Variants in ROBO2 observed in about 807,000 individuals in gnomAD.
ROBO2 encodes the protein roundabout guidance receptor 2, also known as roundabout homolog 2.
A neutral mutation model predicts 160.8 loss-of-function variants in ROBO2; 53 were observed. That is an observed-to-expected ratio of 0.33 (90% CI 0.26 to 0.41). The LOEUF (loss-of-function observed/expected upper bound fraction) is 0.41. ROBO2 is among the 10% of genes least tolerant of loss of function. The pLI is 1.00. For synonymous variants in ROBO2, 664 were observed against 611.7 expected (o/e 1.09, Z -1.26); for missense variants, 1,577 against 1,722.4 (o/e 0.92, Z 1.49).
At chr3:76,854,825 A>G (rs184893692) in intron 2 of ROBO2, among the ~76,000 whole-genome samples, 82 of 152,252 alleles carry the variant, frequency 5.4e-4, no homozygotes, top group African/African-American at 1.9e-3. Flanking sequence ...AGAGAAAAAA[A>G]TTTTCTTCAC....
At chr3:76,359,738 C>T (rs1406984847) in intron 2 of ROBO2, among the ~76,000 whole-genome samples, 2 of 151,794 alleles carry the variant, frequency 1.3e-5, no homozygotes, top group Non-Finnish European at 2.9e-5. Context: ...ATATAGTATT[C>T]ATATATTATA....
At chr3:77,578,486 T>C (rs2093826828) in intron 15 of ROBO2, among the ~76,000 whole-genome samples, 1 of 152,128 alleles carries the variant, frequency 6.6e-6, no homozygotes, top group African/African-American at 2.4e-5. Flanking sequence ...AGAGTTGGTA[T>C]TTAATATTAA....
At chr3:76,913,003 T>G (rs2076084961) in intron 2 of ROBO2, among the ~76,000 whole-genome samples, 1 of 152,036 alleles carries the variant, frequency 6.6e-6, no homozygotes, top group Non-Finnish European at 1.5e-5. Flanking sequence ...AGATAACTTC[T>G]GAGTAACTCA....
At chr3:77,573,736 A>C (rs1351222820) in intron 13 of ROBO2, among the ~76,000 whole-genome samples, 2 of 151,990 alleles carry the variant, frequency 1.3e-5, no homozygotes, top group Non-Finnish European at 2.9e-5. Context: ...CTATCTAAGC[A>C]CTTACGAATT....
intron 2 of ROBO2, among the ~76,000 whole-genome samples, chr3:76,440,698 G>A (rs1489382179): frequency 1.3e-5 from 2 of 152,104 alleles, no homozygotes; most frequent in Admixed American, 6.6e-5. Context: ...GCCTGCTCCT[G>A]GAATCACTAA....
chr3:76,081,687 C>G (rs971642198), intron 2 of ROBO2, among the ~76,000 whole-genome samples: 7 of 152,046 alleles, frequency 4.6e-5, no homozygotes, highest in African/African-American at 1.7e-4. Context: ...TTAAGATCCC[C>G]TTTTCATAGA....
intron 2 of ROBO2, among the ~76,000 whole-genome samples, chr3:76,849,225 G>A (rs2069083548): frequency 1.3e-5 from 2 of 152,160 alleles, no homozygotes. Context: ...GTATAGTCAA[G>A]GAAACAGCTT....
chr3:76,124,164 C>A (rs561079859), intron 2 of ROBO2, among the ~76,000 whole-genome samples: 2 of 152,116 alleles, frequency 1.3e-5, no homozygotes, highest in African/African-American at 4.8e-5. Flanking sequence ...CAAAAAATTA[C>A]CTAATGAAAA....
intron 1 of ROBO2, among the ~76,000 whole-genome samples, chr3:77,095,117 C>T (rs1036604296): frequency 3.3e-5 from 5 of 151,956 alleles, no homozygotes; most frequent in African/African-American, 1.2e-4. Context: ...AAAAACTTGC[C>T]TCTATAATTT....
intron 2 of ROBO2, among the ~76,000 whole-genome samples, chr3:76,500,195 T>G (rs552770184): frequency 6.6e-6 from 1 of 152,156 alleles, no homozygotes; most frequent in Non-Finnish European, 1.5e-5. Flanking sequence ...CACAGCTCAC[T>G]GCGTCCTTGA....
intron 12 of ROBO2, among the ~76,000 whole-genome samples, chr3:77,567,248 A>T (rs2093511136): frequency 6.6e-6 from 1 of 152,050 alleles, no homozygotes; most frequent in African/African-American, 2.4e-5. Flanking sequence ...AGATAATAAG[A>T]AAAAACAGGA....
At chr3:77,588,782 C>T in exon 17 of ROBO2, 1 of 1,613,382 alleles carries the variant, frequency 6.2e-7, no homozygotes, top group Non-Finnish European at 8.5e-7. Flanking sequence ...TTACTGAAAA[C>T]AATAACAGCA....
intron 2 of ROBO2, among the ~76,000 whole-genome samples, chr3:76,867,827 A>T (rs2148657977): frequency 6.6e-6 from 1 of 152,318 alleles, no homozygotes; most frequent in East Asian, 1.9e-4. Context: ...TCAATAAGAG[A>T]GAACATTGTT....
At chr3:76,803,431 A>AGGAGGAAGGATGGAGGGAAGGAAG (rs2064388550) in intron 2 of ROBO2, among the ~76,000 whole-genome samples, 1 of 57,030 alleles carries the variant, frequency 1.8e-5, no homozygotes. Context: ...GATACAAAAG[A>AGGAGGAAGGATGGAGGGAAGGAAG]GGAGGAAGGA....
chr3:76,280,628 C>A (rs923905842), intron 2 of ROBO2, among the ~76,000 whole-genome samples: 2 of 151,978 alleles, frequency 1.3e-5, no homozygotes, highest in African/African-American at 4.8e-5. Flanking sequence ...GGATTCAGAG[C>A]CTTCTCTAAT....
chr3:76,094,565 A>G (rs2069363171), intron 2 of ROBO2, among the ~76,000 whole-genome samples: 1 of 152,214 alleles, frequency 6.6e-6, no homozygotes, highest in Non-Finnish European at 1.5e-5. Flanking sequence ...ACAAAATGAC[A>G]CCATGATTCA....
At chr3:77,270,369 A>G (rs2059409499) in intron 2 of ROBO2, among the ~76,000 whole-genome samples, 1 of 152,172 alleles carries the variant, frequency 6.6e-6, no homozygotes, top group East Asian at 1.9e-4. Flanking sequence ...ATTCAGAAAC[A>G]TTCAATTATA....
chr3:77,221,886 C>A (rs188298918), intron 2 of ROBO2, among the ~76,000 whole-genome samples: 36 of 137,708 alleles, frequency 2.6e-4, no homozygotes, highest in Non-Finnish European at 4.6e-4. Context: ...CAGAGTCTTG[C>A]TCTGTCACCA....
At chr3:77,118,868 C>T (rs1040111192) in intron 2 of ROBO2, among the ~76,000 whole-genome samples, 3 of 152,162 alleles carry the variant, frequency 2.0e-5, no homozygotes, top group Admixed American at 2.0e-4. Context: ...TAGCCTATTG[C>T]TTCTAGCCTA....
Sources: allele counts gnomAD v4.1 joint callset (sites outside exome capture counted in the v4.1 genomes callset), GRCh38; gene constraint gnomAD v4.1.1; transcripts MANE v1.5; gene names NCBI Gene and HGNC (gene_info 2026-07-23, HGNC 2026-07-21).